The following STXBP5L variants were observed in gnomAD, a reference collection of about 807,000 sequenced individuals.
The protein encoded by STXBP5L is syntaxin-binding protein 5-like.
STXBP5L carries 65 observed loss-of-function variants against 144.5 expected under a neutral mutation model. The ratio of observed to expected loss-of-function variants is 0.45; its 90% confidence interval spans 0.37 to 0.55. The LOEUF (loss-of-function observed/expected upper bound fraction) is 0.55, where lower values mean the gene tolerates loss of function less well. Ranked by LOEUF, STXBP5L falls within the 20% of genes least tolerant of loss-of-function variation. STXBP5L has a pLI of 0.00. For missense variants in STXBP5L, 1,298 were observed against 1,405.5 expected, an observed-to-expected ratio of 0.92 and a Z score of 1.22; for synonymous variants, 505 against 469.6, an observed-to-expected ratio of 1.08 and a Z score of -0.97.
intron 19 of STXBP5L, among the ~76,000 whole-genome samples, chr3:121,298,312 C>T (rs566768441): frequency 2.7e-4 from 41 of 152,122 alleles, no homozygotes; most frequent in African/African-American, 8.2e-4. Context: ...TTACACAATA[C>T]GTGACAATAA....
At chr3:121,208,368 G>A (rs1418472252) in intron 10 of STXBP5L, among the ~76,000 whole-genome samples, 2 of 151,902 alleles carry the variant, frequency 1.3e-5, no homozygotes, top group South Asian at 4.2e-4. Flanking sequence ...AGTATTAGGA[G>A]ATATATCTAA....
chr3:121,109,625 G>A (rs142289157), intron 5 of STXBP5L, among the ~76,000 whole-genome samples: 3 of 152,148 alleles, frequency 2.0e-5, no homozygotes, highest in Admixed American at 6.6e-5. Flanking sequence ...GCTGAGGAAC[G>A]TTTTACTTCC....
At chr3:121,224,726 A>G (rs940698382) in intron 11 of STXBP5L, among the ~76,000 whole-genome samples, 4 of 152,178 alleles carry the variant, frequency 2.6e-5, no homozygotes, top group Non-Finnish European at 5.9e-5. Context: ...TTGTTTAGGG[A>G]ACAGAAGAAG....
intron 20 of STXBP5L, among the ~76,000 whole-genome samples, chr3:121,321,904 G>A (rs1408708334): frequency 3.3e-5 from 5 of 151,946 alleles, no homozygotes; most frequent in African/African-American, 9.7e-5. Context: ...TTGTTACATG[G>A]GTATATTGCA....
chr3:121,256,184 T>A (rs1382087397), intron 16 of STXBP5L, among the ~76,000 whole-genome samples: 1 of 152,064 alleles, frequency 6.6e-6, no homozygotes, highest in Admixed American at 6.5e-5. Context: ...ATAGGGTTCT[T>A]GTGATGATTA....
At chr3:121,242,364 T>C (rs910745819) in intron 14 of STXBP5L, among the ~76,000 whole-genome samples, 1 of 152,140 alleles carries the variant, frequency 6.6e-6, no homozygotes, top group Non-Finnish European at 1.5e-5. Context: ...AGAGGAGATA[T>C]TTAACACAAT....
At chr3:121,093,646 A>T (rs944218627) in intron 5 of STXBP5L, among the ~76,000 whole-genome samples, 5 of 151,764 alleles carry the variant, frequency 3.3e-5, no homozygotes, top group African/African-American at 1.2e-4. Flanking sequence ...TCTTGCTTCT[A>T]TTTGATTCTT....
intron 3 of STXBP5L, among the ~76,000 whole-genome samples, chr3:120,983,108 C>T (rs1941953141): frequency 6.6e-6 from 1 of 152,152 alleles, no homozygotes; most frequent in Non-Finnish European, 1.5e-5. Context: ...TGGTATCTGT[C>T]CTTGAGGCAT....
intron 22 of STXBP5L, among the ~76,000 whole-genome samples, chr3:121,397,645 G>T (rs1167913846): frequency 6.6e-6 from 1 of 152,054 alleles, no homozygotes; most frequent in Admixed American, 6.6e-5. Flanking sequence ...CCCATACCAG[G>T]GACATACCCC....
At chr3:121,418,778 ATAAT>A (rs1019167711) in intron 26 of STXBP5L, among the ~76,000 whole-genome samples, 21 of 94,972 alleles carry the variant, frequency 2.2e-4, no homozygotes, top group African/African-American at 6.3e-4. Context: ...ACCTTAGGGG[ATAAT>A]TAAAGAAATT....
intron 20 of STXBP5L, among the ~76,000 whole-genome samples, chr3:121,372,544 TC>T (rs2046063924): frequency 6.6e-6 from 1 of 152,174 alleles, no homozygotes; most frequent in Non-Finnish European, 1.5e-5. Context: ...GATAGCAGGT[TC>T]CTTCTTGACT....
At chr3:121,242,360 G>A (rs2049699326) in intron 14 of STXBP5L, among the ~76,000 whole-genome samples, 1 of 152,086 alleles carries the variant, frequency 6.6e-6, no homozygotes, top group South Asian at 2.1e-4. Context: ...GTATAGAGGA[G>A]ATATTTAACA....
At chr3:121,281,620 G>A (rs1306325102) in intron 19 of STXBP5L, among the ~76,000 whole-genome samples, 4 of 151,838 alleles carry the variant, frequency 2.6e-5, no homozygotes, top group Non-Finnish European at 5.9e-5. Flanking sequence ...GATATACACA[G>A]TGGGGCAAAA....
intron 10 of STXBP5L, among the ~76,000 whole-genome samples, chr3:121,221,436 G>A (rs530656831): frequency 2.8e-4 from 43 of 151,470 alleles, no homozygotes; most frequent in African/African-American, 9.2e-4. Flanking sequence ...AAATAGATAC[G>A]TATGGCCTTT....
At chr3:121,384,257 A>G (rs2046377995) in intron 22 of STXBP5L, among the ~76,000 whole-genome samples, 1 of 152,192 alleles carries the variant, frequency 6.6e-6, no homozygotes, top group Admixed American at 6.5e-5. Context: ...AGAGAAATAA[A>G]GAATACCATG....
intron 5 of STXBP5L, among the ~76,000 whole-genome samples, chr3:121,102,043 C>A (rs1390668184): frequency 6.6e-6 from 1 of 151,964 alleles, no homozygotes; most frequent in Non-Finnish European, 1.5e-5. Flanking sequence ...GCACAAAACA[C>A]AGCTGAAAGA....
chr3:120,933,936 G>T (rs1189260896), intron 2 of STXBP5L, among the ~76,000 whole-genome samples: 1 of 151,960 alleles, frequency 6.6e-6, no homozygotes, highest in Non-Finnish European at 1.5e-5. Flanking sequence ...AATGATTGTA[G>T]TTTGCTGAAA....
intron 9 of STXBP5L, among the ~76,000 whole-genome samples, chr3:121,200,604 A>T (rs1318906283): frequency 6.6e-6 from 1 of 151,778 alleles, no homozygotes; most frequent in Non-Finnish European, 1.5e-5. Flanking sequence ...TTGCTTTCTG[A>T]TGTGAGCATT....
intron 2 of STXBP5L, among the ~76,000 whole-genome samples, chr3:120,928,760 G>T (rs1285823613): frequency 6.6e-6 from 1 of 151,758 alleles, no homozygotes; most frequent in Non-Finnish European, 1.5e-5. Context: ...TGAGTAGTAG[G>T]TAGAGAGAAA....
Sources: allele counts gnomAD v4.1 joint callset (sites outside exome capture counted in the v4.1 genomes callset), GRCh38; gene constraint gnomAD v4.1.1; transcripts MANE v1.5; gene names NCBI Gene and HGNC (gene_info 2026-07-23, HGNC 2026-07-21).